The following NUDC variants were observed in gnomAD, a reference collection of about 807,000 sequenced individuals.
The protein encoded by NUDC is nuclear distribution C, dynein complex regulator.
NUDC carries 14 observed loss-of-function variants against 45.0 expected under a neutral mutation model. That is an observed-to-expected ratio of 0.31 (90% confidence interval 0.21 to 0.49). The LOEUF (loss-of-function observed/expected upper bound fraction) is 0.49, where lower values mean the gene tolerates loss of function less well. NUDC is among the 20% of genes least tolerant of loss of function. The pLI is 0.99. For synonymous variants in NUDC, 153 were observed against 156.7 expected (o/e 0.98, Z 0.17); for missense variants, 323 against 426.2 (o/e 0.76, Z 2.13).
At chr1:26,908,331 T>C (rs1240099482) in intron 2 of NUDC, among the ~76,000 whole-genome samples, 1 of 152,186 alleles carries the variant, frequency 6.6e-6, no homozygotes, top group African/African-American at 2.4e-5. Context: ...TCCCCACTTT[T>C]GGAAAGCCTA....
intron 2 of NUDC, among the ~76,000 whole-genome samples, chr1:26,929,408 A>G (rs894518875): frequency 3.0e-4 from 44 of 147,646 alleles, no homozygotes; most frequent in African/African-American, 9.9e-4. Context: ...CCCCTTCTGA[A>G]AAAACAAAAA....
intron 2 of NUDC, among the ~76,000 whole-genome samples, chr1:26,929,078 C>T (rs2082157214): frequency 6.6e-6 from 1 of 152,116 alleles, no homozygotes; most frequent in Non-Finnish European, 1.5e-5. Flanking sequence ...GTTATTCTGC[C>T]TTAAAAGGGA....
At chr1:26,913,467 G>T (rs764142312) in intron 3 of NUDC, 10 of 1,613,966 alleles carry the variant, frequency 6.2e-6, no homozygotes, top group Non-Finnish European at 1.7e-6. Flanking sequence ...TAAGCTCCAG[G>T]CTCCAGAAGG....
chr1:26,929,576 T>G, intron 2 of NUDC: 1 of 213,510 alleles, frequency 4.7e-6, no homozygotes, highest in East Asian at 1.2e-4. Context: ...GACTTGAGCA[T>G]CCTCGGAAAT....
rs2082092856 is a variant in NUDC, at chr1:26,921,787, A to C, written c.-62A>C. ...AGTCGTTGGGCCCGGCGCGACCCGC[A>C]GGAGCGTAGAGAGCGCGGGACTAGA... On this transcript the variant is annotated 5_prime_UTR_variant, in exon 1 of 9. Coordinates refer to ENST00000321265, the MANE Select transcript of NUDC (RefSeq NM_006600.4). 1.3e-6 allele frequency: 2 copies of C among 1,509,076 alleles called. No individual in the cohort carries two copies. The highest frequency in any genetic ancestry group is 3.9e-5 in the Admixed American group (2 of 50,866). 93.5% of individuals were successfully genotyped at this position (1,509,076 alleles called of 1,614,324 possible).
At chr1:26,922,012 C>A in intron 1 of NUDC, 83 bp downstream of exon 1, 1 of 1,386,708 alleles carries the variant, frequency 7.2e-7, no homozygotes, top group Non-Finnish European at 9.9e-7. Flanking sequence ...GGCTGAGACC[C>A]ACCCCAGCGG....
rs60238934 is a variant in NUDC, at chr1:26,927,264, C to CGTGTGTGTGTGTGTGTGTGTGTGT, written c.159+3115_159+3138dup. Among the ~76,000 whole-genome samples the CGTGTGTGTGTGTGTGTGTGTGTGT allele has an allele frequency of 2.9e-4, 27 of 91,832 alleles. 1 individual carries two copies. The highest frequency in any genetic ancestry group is 8.1e-4 in the South Asian group (2 of 2,476). The allele number at this position is 91,832 out of a possible 152,430, so 60.2% of individuals were successfully genotyped here. ...GCTGTAAGAAGGGAGAGAGATGAAC[C>CGTGTGTGTGTGTGTGTGTGTGTGT]GTGTGTGTGTGTGTGTGTGTGTGTG... On this transcript the variant is annotated intron_variant, in intron 2 of 8. Transcript: ENST00000321265.
At chr1:26,911,724 G>T in intron 3 of NUDC, 1 of 1,164,062 alleles carries the variant, frequency 8.6e-7, no homozygotes, top group Non-Finnish European at 1.3e-6. Flanking sequence ...TTCCTAAGGA[G>T]CCAAGTGCTG....
Position 26,933,965 on chromosome 1 carries a change from C to G in NUDC, c.160-7492C>G, listed in dbSNP as rs137920258. On this transcript the variant is annotated intron_variant, in intron 2 of 8. Transcript: ENST00000321265. ...GTCAGGAGATCAAGAACATCCTGGC[C>G]AACATGGTGAAACCCCAGCTCTCCT... 1.2e-3 allele frequency among the ~76,000 whole-genome samples: 186 copies of G among 152,128 alleles called. 1 individual carries two copies. The highest frequency in any genetic ancestry group is 1.8e-3 in the Non-Finnish European group (122 of 67,994).
upstream of NUDC, among the ~76,000 whole-genome samples, chr1:26,918,572 CTTTT>C (rs1156337137): frequency 7.7e-6 from 1 of 129,320 alleles, no homozygotes; most frequent in Non-Finnish European, 1.7e-5. Context: ...CCGCACCCAG[CTTTT>C]TTTTTTTTTT....
chr1:26,905,103 G>T (rs2081997041), intron 2 of NUDC, among the ~76,000 whole-genome samples: 2 of 149,532 alleles, frequency 1.3e-5, no homozygotes, highest in African/African-American at 4.9e-5. Context: ...CTCCCAAAGT[G>T]CTGGGATTAC....
chr1:26,932,674 T>G (rs771759666), intron 2 of NUDC, among the ~76,000 whole-genome samples: 1 of 152,150 alleles, frequency 6.6e-6, no homozygotes, highest in Non-Finnish European at 1.5e-5. Context: ...GAACTTACAC[T>G]AAGAAACATA....
chr1:26,922,063 C>G, intron 1 of NUDC, 134 bp downstream of exon 1: 1 of 926,142 alleles, frequency 1.1e-6, no homozygotes, highest in South Asian at 1.5e-5. Context: ...TCACTGCGCC[C>G]AGCTTCCGGC....
chr1:26,908,823 C>G (rs916533398), intron 2 of NUDC, among the ~76,000 whole-genome samples: 1 of 152,104 alleles, frequency 6.6e-6, no homozygotes, highest in Non-Finnish European at 1.5e-5. Context: ...TTCACTGCAA[C>G]CTCTGCCACC....
At chr1:26,913,021 G>A (rs546293994) in intron 3 of NUDC, among the ~76,000 whole-genome samples, 9 of 152,308 alleles carry the variant, frequency 5.9e-5, no homozygotes, top group African/African-American at 1.9e-4. Flanking sequence ...GGTGGCTCAC[G>A]CCTGTAATCC....
At chr1:26,913,970 T>G (rs1261376300) in intron 3 of NUDC, 1 of 1,436,692 alleles carries the variant, frequency 7.0e-7, no homozygotes. Context: ...CTTCCAGCTC[T>G]CTGGCTCTGT....
chr1:26,929,890 G>A (rs1276304906), intron 2 of NUDC, among the ~76,000 whole-genome samples: 1 of 152,056 alleles, frequency 6.6e-6, no homozygotes, highest in Non-Finnish European at 1.5e-5. Flanking sequence ...TGGGCATGGT[G>A]GTAGGCGCCT....
chr1:26,943,697 A>T lies in NUDC; in HGVS notation c.741+632A>T, dbSNP rs540148888. ...AAGTGCTGGAAAGAGAACAGTGAAC[A>T]AAACATAGGAAAATATGTGCCCTCA... On this transcript the variant is annotated intron_variant, in intron 6 of 8. Transcript: ENST00000321265. 2.6e-5 allele frequency among the ~76,000 whole-genome samples: 4 copies of T among 152,350 alleles called. No homozygotes were observed. The East Asian group carries it at 7.7e-4, about 29-fold the overall frequency.
chr1:26,904,959 C>T (rs928470345), intron 2 of NUDC, among the ~76,000 whole-genome samples: 3 of 150,492 alleles, frequency 2.0e-5, no homozygotes, highest in African/African-American at 7.3e-5. Flanking sequence ...GCATCAGCCT[C>T]CTGAGTAGCT....
Sources: gnomAD v4.1 joint callset for allele counts (sites outside exome capture counted in the v4.1 genomes callset) on GRCh38, gnomAD v4.1.1 for gene constraint, MANE v1.5 for transcripts, NCBI Gene and HGNC (gene_info 2026-07-23, HGNC 2026-07-21) for gene names.